The following PAK1 variants were observed in gnomAD, a reference collection of about 807,000 sequenced individuals.
PAK1 encodes serine/threonine-protein kinase PAK 1.
A neutral mutation model predicts 67.4 loss-of-function variants in PAK1; 29 were observed. The observed-to-expected ratio is 0.43, with a 90% CI of 0.32 to 0.59. The LOEUF (loss-of-function observed/expected upper bound fraction) is 0.59, where lower values mean the gene tolerates loss of function less well. Ranked by LOEUF, PAK1 falls within the 20% of genes least tolerant of loss-of-function variation. The pLI, the probability that PAK1 is intolerant of heterozygous loss-of-function variation, is 0.07. For synonymous variants in PAK1, 223 were observed against 237.4 expected (o/e 0.94, Z 0.56); for missense variants, 337 against 670.7 (o/e 0.50, Z 5.50).
At chr11:77,381,431 A>G (rs1252994857) in intron 2 of PAK1, among the ~76,000 whole-genome samples, 1 of 152,238 alleles carries the variant, frequency 6.6e-6, no homozygotes, top group East Asian at 1.9e-4. Flanking sequence ...CTTGTAGATT[A>G]GAAAATTTGG....
intron 5 of PAK1, among the ~76,000 whole-genome samples, chr11:77,363,994 G>A (rs965782888): frequency 4.6e-5 from 7 of 152,228 alleles, no homozygotes; most frequent in Non-Finnish European, 1.0e-4. Flanking sequence ...CTTTGTGCTG[G>A]AGATATGGGC....
chr11:77,490,297 C>A, the PAK1 span, among the ~76,000 whole-genome samples: 282 of 148,404 alleles, frequency 1.9e-3, 4 homozygotes, highest in Middle Eastern at 3.5e-3. Flanking sequence ...TCAGCCCCCC[C>A]ACCCGGCCAG....
At chr11:77,340,271 C>A (rs1179220205) in intron 11 of PAK1, among the ~76,000 whole-genome samples, 1 of 151,830 alleles carries the variant, frequency 6.6e-6, no homozygotes, top group Non-Finnish European at 1.5e-5. Flanking sequence ...TTCCTTATAG[C>A]ACATAAATAA....
chr11:77,472,711 G>A (rs1355279147), intron 1 of PAK1, among the ~76,000 whole-genome samples: 1 of 152,174 alleles, frequency 6.6e-6, no homozygotes, highest in Non-Finnish European at 1.5e-5. Context: ...TTGTTCTCAG[G>A]AACAATTCTT....
At chr11:77,432,003 GT>G (rs541049529) in intron 1 of PAK1, among the ~76,000 whole-genome samples, 2 of 151,774 alleles carry the variant, frequency 1.3e-5, no homozygotes, top group South Asian at 2.1e-4. Context: ...GCCTGTGTGG[GT>G]TTTTTTTGTC....
In PAK1 at chr11:77,413,420, C is replaced by T. The variant is rs576101577; in HGVS notation, c.-21-20879G>A. Among the ~76,000 whole-genome samples, 17 of 152,286 alleles carry T rather than the reference C, an allele frequency of 1.1e-4. No individual in the cohort carries two copies. The South Asian group carries it at 3.3e-3, about 30-fold the overall frequency. ...GCAGAACTTGGTGGAAAACAGAATA[C>T]GATGGTGAAAGAAGTCAGTGACTTC... is the stretch of plus-strand genomic sequence containing the variant. On this transcript the variant is annotated intron_variant, in intron 1 of 14. Transcript: ENST00000356341.
chr11:77,374,319 A>G lies in PAK1; in HGVS notation c.477+9T>C. 1 of 1,562,196 alleles carries G rather than the reference A, an allele frequency of 6.4e-7. No individual in the cohort carries two copies. Among genetic ancestry groups the G allele is most frequent in the Non-Finnish European group, 8.8e-7 (1 of 1,132,786 alleles). On this transcript the variant is annotated intron_variant, in intron 5 of 14. Coordinates refer to ENST00000356341, the MANE Select transcript of PAK1 (RefSeq NM_002576.5). The stretch of plus-strand genomic sequence containing the variant: ...TGCCCACATCAAAATAGAGTAAATA[A>G]AGACTTACCAAGGCATTAGAAGAAT...
intron 1 of PAK1, among the ~76,000 whole-genome samples, chr11:77,418,213 A>G (rs1955074122): frequency 2.0e-5 from 3 of 152,226 alleles, no homozygotes; most frequent in Non-Finnish European, 4.4e-5. Flanking sequence ...ACAAATTGCT[A>G]TAAAGATTTC....
chr11:77,438,370 C>T (rs1388617152), intron 1 of PAK1, among the ~76,000 whole-genome samples: 1 of 152,084 alleles, frequency 6.6e-6, no homozygotes, highest in African/African-American at 2.4e-5. Context: ...CTCACCAAGC[C>T]CCACCTCCAA....
the PAK1 span, among the ~76,000 whole-genome samples, chr11:77,521,766 C>T: frequency 3.3e-5 from 5 of 152,184 alleles, no homozygotes; most frequent in Non-Finnish European, 7.4e-5. Flanking sequence ...TCCAGGGCAT[C>T]CTATTTATTC....
chr11:77,377,882 T>C (rs1270165479), intron 4 of PAK1, among the ~76,000 whole-genome samples: 2 of 151,988 alleles, frequency 1.3e-5, no homozygotes, highest in Non-Finnish European at 2.9e-5. Context: ...CTCCTTGAAA[T>C]GACTCAGTCC....
the PAK1 span, among the ~76,000 whole-genome samples, chr11:77,521,530 A>C: frequency 6.9e-6 from 1 of 145,380 alleles, no homozygotes; most frequent in African/African-American, 2.5e-5. Flanking sequence ...ACTCCACCTC[A>C]AAAAAAAAAA....
At chr11:77,345,725 A>G (rs9651765) in intron 9 of PAK1, among the ~76,000 whole-genome samples, 10,427 of 152,270 alleles carry the variant, frequency 0.068, 1,207 homozygotes, top group African/African-American at 0.24. Context: ...GCAGCTGTCT[A>G]TAACAGCTGA....
the PAK1 span, among the ~76,000 whole-genome samples, chr11:77,492,456 A>G: frequency 1.3e-5 from 2 of 152,102 alleles, no homozygotes; most frequent in Non-Finnish European, 2.9e-5. Context: ...ATTAAATGCA[A>G]TAGGAACCCA....
chr11:77,410,644 G>C (rs1015606473), intron 1 of PAK1, among the ~76,000 whole-genome samples: 1 of 151,674 alleles, frequency 6.6e-6, no homozygotes, highest in East Asian at 1.9e-4. Context: ...ATACAAAAGG[G>C]GAAGCATGAG....
chr11:77,411,535 C>T (rs1351751832), intron 1 of PAK1, among the ~76,000 whole-genome samples: 2 of 152,016 alleles, frequency 1.3e-5, no homozygotes, highest in African/African-American at 2.4e-5. Flanking sequence ...AAAGGCGCAG[C>T]TTCCCCTTCA....
At chr11:77,503,621 G>C in the PAK1 span, among the ~76,000 whole-genome samples, 1 of 152,204 alleles carries the variant, frequency 6.6e-6, no homozygotes, top group Non-Finnish European at 1.5e-5. Context: ...CCAACACTTT[G>C]GGAGGCCAAG....
intron 1 of PAK1, among the ~76,000 whole-genome samples, chr11:77,469,360 T>C (rs1187621895): frequency 6.6e-6 from 1 of 152,182 alleles, no homozygotes; most frequent in Admixed American, 6.5e-5. Flanking sequence ...ACATCTCATA[T>C]AGGGCCTGGT....
At chr11:77,330,960 C>T (rs1941364780) in intron 14 of PAK1, among the ~76,000 whole-genome samples, 1 of 152,082 alleles carries the variant, frequency 6.6e-6, no homozygotes, top group African/African-American at 2.4e-5. Flanking sequence ...ACAACCCCAT[C>T]AAAAAGTGGG....
Sources: gnomAD v4.1 joint callset for allele counts (sites outside exome capture counted in the v4.1 genomes callset) on GRCh38, gnomAD v4.1.1 for gene constraint, MANE v1.5 for transcripts, NCBI Gene and HGNC (gene_info 2026-07-23, HGNC 2026-07-21) for gene names.